TXNDC8: variants seen among roughly 807,000 people sequenced by gnomAD.
The protein encoded by TXNDC8 is thioredoxin domain-containing protein 8.
In TXNDC8, 15 loss-of-function variants were observed where a neutral mutation model predicts 12.9. The observed-to-expected ratio is 1.16, with a 90% confidence interval of 0.78 to 1.79. The LOEUF (loss-of-function observed/expected upper bound fraction) is 1.79, where lower values mean the gene tolerates loss of function less well. Ranked by LOEUF, TXNDC8 falls within the 40% of genes most tolerant of loss-of-function variation. The pLI, the probability that TXNDC8 is intolerant of heterozygous loss-of-function variation, is 0.00. For synonymous variants in TXNDC8, 40 were observed against 35.4 expected, an observed-to-expected ratio of 1.13 and a Z score of -0.46; for missense variants, 128 against 113.2, an observed-to-expected ratio of 1.13 and a Z score of -0.59.
chr9:110,323,746 C>A, intron 3 of TXNDC8: 1 of 1,200,288 alleles, frequency 8.3e-7, no homozygotes, highest in Non-Finnish European at 1.1e-6. Flanking sequence ...CATTAGTACT[C>A]TTGGCTTGAC....
At chr9:110,317,297 C>T (rs147669898) in intron 3 of TXNDC8, among the ~76,000 whole-genome samples, 6 of 152,246 alleles carry the variant, frequency 3.9e-5, no homozygotes, top group Non-Finnish European at 8.8e-5. Flanking sequence ...CTCATGTTTC[C>T]ACTGGAAAAT....
At chr9:110,323,272 G>A (rs1410825756) in intron 3 of TXNDC8, 3 of 985,256 alleles carry the variant, frequency 3.0e-6, no homozygotes, top group East Asian at 1.1e-4. Context: ...GAACCAAAAA[G>A]ATAGATATCC....
chr9:110,335,394 G>A (rs572105490), intron 1 of TXNDC8, among the ~76,000 whole-genome samples: 81 of 152,110 alleles, frequency 5.3e-4, no homozygotes, highest in Middle Eastern at 3.4e-3. Context: ...GAGCCACCCC[G>A]CCCAGCCTGC....
intron 2 of TXNDC8, among the ~76,000 whole-genome samples, chr9:110,326,856 A>G (rs894612332): frequency 9.2e-5 from 14 of 151,938 alleles, no homozygotes; most frequent in African/African-American, 3.1e-4. Context: ...AAAATTAGTC[A>G]CCCACAGGAT....
chr9:110,321,387 T>C (rs76769265), intron 3 of TXNDC8, among the ~76,000 whole-genome samples: 236 of 152,346 alleles, frequency 1.5e-3, no homozygotes, highest in African/African-American at 5.4e-3. Flanking sequence ...TTCTCCTAAC[T>C]CTTGTGTTCT....
At chr9:110,305,539 ATTTTCT>A (rs749429777) in intron 3 of TXNDC8, among the ~76,000 whole-genome samples, 2,452 of 148,392 alleles carry the variant, frequency 0.017, 34 homozygotes, top group Middle Eastern at 0.028. Context: ...TACTGCATGT[ATTTTCT>A]TTTTCTTTCT....
At chr9:110,322,498 C>T in intron 3 of TXNDC8, 2 of 985,394 alleles carry the variant, frequency 2.0e-6, no homozygotes, top group Non-Finnish European at 2.4e-6. Context: ...CTCTCCCCAG[C>T]TTATTGAGGG....
rs937782667 is a variant in TXNDC8 at position 110,326,087 on chromosome 9, T to G, written c.195+88A>C. 4 of 1,278,464 alleles carry G rather than the reference T, an allele frequency of 3.1e-6. No individual in the cohort carries two copies. In the African/African-American group the frequency reaches 4.5e-5, roughly 14 times the overall value. The allele number at this position is 1,278,464 out of a possible 1,614,324, so 79.2% of individuals were successfully genotyped here. A position where few individuals can be genotyped will look rare whatever the true frequency, so the allele number is the denominator to read the frequency against. ...AGCATTAAAAATAAATGTAGTTATT[T>G]CATCCACCCAGGACAGCCAGGCTTT... On this transcript the variant is annotated intron_variant, in intron 3 of 4. Coordinates refer to ENST00000423740, the MANE Select transcript of TXNDC8 (RefSeq NM_001286946.2).
rs144870486 is a variant in TXNDC8, at chr9:110,320,547, C to G, written c.195+5628G>C. ...TTAGCAGCATGAGAACGGATTAATA[C>G]AATGGGTCTACAACCAAAGTTATTC... On this transcript the variant is annotated intron_variant, in intron 3 of 4. Coordinates refer to ENST00000423740, the MANE Select transcript of TXNDC8 (RefSeq NM_001286946.2). Among the ~76,000 whole-genome samples, 5 of 152,268 alleles carry G rather than the reference C, an allele frequency of 3.3e-5. No individual in the cohort carries two copies. In the East Asian group the frequency reaches 9.6e-4, roughly 29 times the overall value.
chr9:110,327,573 TG>T lies in TXNDC8; in HGVS notation c.130-1334del, dbSNP rs1392740857. Reference sequence around the variant, plus strand: ...CCTGACCTCAAGCGATCCACCCATCTGGGCCTCCCAAAGTGCTGATATTACA... The same window carrying T: ...CCTGACCTCAAGCGATCCACCCATCTGGCCTCCCAAAGTGCTGATATTACA... On this transcript the variant is annotated intron_variant, in intron 2 of 4. Coordinates refer to ENST00000423740, the MANE Select transcript of TXNDC8 (RefSeq NM_001286946.2). Among the ~76,000 whole-genome samples, 7 of 152,336 alleles carry T rather than the reference TG, an allele frequency of 4.6e-5. No individual in the cohort carries two copies. The East Asian group carries it at 1.3e-3, about 29-fold the overall frequency.
At chr9:110,305,905 C>T (rs567717042) in intron 3 of TXNDC8, among the ~76,000 whole-genome samples, 19 of 147,316 alleles carry the variant, frequency 1.3e-4, no homozygotes, top group African/African-American at 4.3e-4. Context: ...TCTCTGTCAC[C>T]GACTTTGGAG....
Position 110,305,604 on chromosome 9 carries a change from T to TTCTTTCTTTC in TXNDC8, c.196-1073_196-1072insGAAAGAAAGA, listed in dbSNP as rs1554700870. On this transcript the variant is annotated intron_variant, in intron 3 of 4. Transcript: ENST00000423740. ...TTTCTTTCTTTCTTTCTTTCTTTCT[T>TTCTTTCTTTC]TCTTTCTTTTTCTTCCTTCCTTCCT... Among the ~76,000 whole-genome samples, 263 of 128,986 alleles carry TTCTTTCTTTC rather than the reference T, an allele frequency of 2.0e-3. 2 individuals carry two copies. Among genetic ancestry groups the TTCTTTCTTTC allele is most frequent in the African/African-American group, 9.7e-3 (259 of 26,838 alleles). The allele number at this position is 128,986 out of a possible 152,430, so 84.6% of individuals were successfully genotyped here. A position where few individuals can be genotyped will look rare whatever the true frequency, so the allele number is the denominator to read the frequency against.
intron 3 of TXNDC8, among the ~76,000 whole-genome samples, chr9:110,319,282 A>G (rs973743390): frequency 1.3e-5 from 2 of 152,244 alleles, no homozygotes; most frequent in East Asian, 1.9e-4. Context: ...GACTTAGCTT[A>G]AATGGATGTT....
rs78951173 is a variant in TXNDC8, at chr9:110,306,860, G to A, written c.196-2328C>T. ...GTGATCCCATAGTACTCTGGGCATCGCAGTATTAACTAATTTTTGTCATCT... is the reference window on the plus strand; with the variant it reads ...GTGATCCCATAGTACTCTGGGCATCACAGTATTAACTAATTTTTGTCATCT... On this transcript the variant is annotated intron_variant, in intron 3 of 4. Transcript: ENST00000423740. 4.0e-3 allele frequency among the ~76,000 whole-genome samples: 603 copies of A among 152,150 alleles called. 7 individuals are homozygous for A. The highest frequency in any genetic ancestry group is 0.014 in the African/African-American group (579 of 41,518).
intron 4 of TXNDC8, among the ~76,000 whole-genome samples, chr9:110,304,002 T>C (rs1467935186): frequency 6.6e-6 from 1 of 152,222 alleles, no homozygotes; most frequent in Non-Finnish European, 1.5e-5. Flanking sequence ...GGTAAGAGTA[T>C]TATAATTCAT....
intron 3 of TXNDC8, among the ~76,000 whole-genome samples, chr9:110,322,039 A>G (rs1839118082): frequency 6.6e-6 from 1 of 152,260 alleles, no homozygotes; most frequent in Non-Finnish European, 1.5e-5. Context: ...TTCTTTGTCA[A>G]ATGAAGTCAG....
chr9:110,305,147 C>CAAAAAAAAAA (rs769344640), intron 3 of TXNDC8, among the ~76,000 whole-genome samples: 1 of 57,128 alleles, frequency 1.8e-5, no homozygotes, highest in African/African-American at 6.8e-5. Flanking sequence ...GATTCTGTCT[C>CAAAAAAAAAA]AAAAAAAAAA....
At chr9:110,320,109 T>A (rs1441103019) in intron 3 of TXNDC8, among the ~76,000 whole-genome samples, 1 of 152,188 alleles carries the variant, frequency 6.6e-6, no homozygotes, top group Non-Finnish European at 1.5e-5. Flanking sequence ...GGAGTCAACT[T>A]TTGATGGTTG....
At chr9:110,336,194 G>C (rs182412971) in intron 1 of TXNDC8, among the ~76,000 whole-genome samples, 243 of 152,246 alleles carry the variant, frequency 1.6e-3, no homozygotes, top group Middle Eastern at 6.8e-3. Context: ...AAATTACCAA[G>C]TATTGGGCAT....
Sources: allele counts gnomAD v4.1 joint callset (sites outside exome capture counted in the v4.1 genomes callset), GRCh38; gene constraint gnomAD v4.1.1; transcripts MANE v1.5; gene names NCBI Gene and HGNC (gene_info 2026-07-23, HGNC 2026-07-21).